Variants in ZSWIM5 observed in about 807,000 individuals in gnomAD.
ZSWIM5 encodes zinc finger SWIM-type containing 5, also known as zinc finger SWIM domain-containing protein 5.
ZSWIM5 carries 55 observed loss-of-function variants against 119.6 expected under a neutral mutation model. That is an observed-to-expected ratio of 0.46 (90% confidence interval 0.37 to 0.58). The LOEUF (loss-of-function observed/expected upper bound fraction) is 0.58. Ranked by LOEUF, ZSWIM5 falls within the 20% of genes least tolerant of loss-of-function variation. ZSWIM5 has a pLI of 0.00. For missense variants in ZSWIM5, 1,193 were observed against 1,512.8 expected (o/e 0.79, Z 3.51); for synonymous variants, 537 against 606.9 (o/e 0.88, Z 1.69).
In ZSWIM5 at chr1:45,036,174, A is replaced by G; in HGVS notation, c.2020T>C (p.Leu674=). Residue 674 remains leucine (L), a synonymous_variant, in exon 9 of 14, where the codon TTA becomes CTA. Coordinates refer to ENST00000359600, the MANE Select transcript of ZSWIM5 (RefSeq NM_020883.2). ...VALMGLGQQR[L]MPEGLYAQDK... ...TGTGCGTAGAGGCCTTCAGGCATTAACCTCTGTTGACCCAGGCCCATCAGT... is the reference window on the plus strand; with the variant it reads ...TGTGCGTAGAGGCCTTCAGGCATTAGCCTCTGTTGACCCAGGCCCATCAGT... The G allele has an allele frequency of 6.2e-7, 1 of 1,613,906 alleles. No individual in the cohort carries two copies. Among genetic ancestry groups the G allele is most frequent in the Non-Finnish European group, 8.5e-7 (1 of 1,179,956 alleles).
At chr1:45,186,042 A>T (rs1646056227) in intron 1 of ZSWIM5, among the ~76,000 whole-genome samples, 1 of 151,864 alleles carries the variant, frequency 6.6e-6, no homozygotes, top group Non-Finnish European at 1.5e-5. Flanking sequence ...AAAATGTGGC[A>T]CATATACACC....
chr1:45,173,456 T>C (rs970572540), intron 1 of ZSWIM5, among the ~76,000 whole-genome samples: 1 of 152,120 alleles, frequency 6.6e-6, no homozygotes, highest in Non-Finnish European at 1.5e-5. Flanking sequence ...AAGGAAACAA[T>C]TTCAGTATAT....
At chr1:45,120,168 A>G (rs920817614) in intron 1 of ZSWIM5, among the ~76,000 whole-genome samples, 4 of 152,136 alleles carry the variant, frequency 2.6e-5, no homozygotes, top group African/African-American at 9.7e-5. Flanking sequence ...ACATGGTGAA[A>G]CCCCATCTCT....
chr1:45,077,658 G>A (rs546346057), intron 2 of ZSWIM5, among the ~76,000 whole-genome samples: 4 of 152,268 alleles, frequency 2.6e-5, no homozygotes, highest in Admixed American at 2.6e-4. Context: ...TATTAGGTGG[G>A]AATTTCCTCT....
intron 1 of ZSWIM5, among the ~76,000 whole-genome samples, chr1:45,180,496 G>A (rs1283759800): frequency 6.6e-6 from 1 of 152,178 alleles, no homozygotes; most frequent in Non-Finnish European, 1.5e-5. Context: ...CTCCACCTCT[G>A]GGGGCAGGGC....
chr1:45,070,072 G>A, intron 2 of ZSWIM5: 2 of 904,464 alleles, frequency 2.2e-6, no homozygotes, highest in Non-Finnish European at 3.8e-6. Flanking sequence ...ATGACTAGAA[G>A]AAGAAATCTA....
intron 1 of ZSWIM5, among the ~76,000 whole-genome samples, chr1:45,129,153 G>GTTTTTTT (rs869042927): frequency 2.4e-4 from 17 of 70,158 alleles, no homozygotes; most frequent in Non-Finnish European, 3.4e-4. Context: ...CATACATCTT[G>GTTTTTTT]TTTTTTTTTT....
In ZSWIM5 at chr1:45,156,270, G is replaced by A. The variant is rs539314309; in HGVS notation, c.595+49486C>T. ...CATGGACACAAAGATGGCAATATTAGACACTGGGGATTACCAGAGAGAGAA... is the reference window on the plus strand; with the variant it reads ...CATGGACACAAAGATGGCAATATTAAACACTGGGGATTACCAGAGAGAGAA... On this transcript the variant is annotated intron_variant, in intron 1 of 13. Coordinates refer to ENST00000359600, the MANE Select transcript of ZSWIM5 (RefSeq NM_020883.2). Among the ~76,000 whole-genome samples the A allele has an allele frequency of 4.4e-3, 668 of 151,424 alleles. 8 individuals carry two copies. Among genetic ancestry groups the A allele is most frequent in the African/African-American group, 0.015 (619 of 41,060 alleles).
intron 1 of ZSWIM5, among the ~76,000 whole-genome samples, chr1:45,180,753 A>G (rs896300849): frequency 6.6e-6 from 1 of 152,154 alleles, no homozygotes; most frequent in Non-Finnish European, 1.5e-5. Context: ...AGGAACGATC[A>G]GACAGCAGCA....
chr1:45,179,420 A>C (rs554382108), intron 1 of ZSWIM5, among the ~76,000 whole-genome samples: 2 of 152,218 alleles, frequency 1.3e-5, no homozygotes, highest in Admixed American at 1.3e-4. Context: ...AAAAATGGGA[A>C]CAACAGACAC....
intron 8 of ZSWIM5, among the ~76,000 whole-genome samples, chr1:45,037,158 T>C (rs1169754748): frequency 7.1e-6 from 1 of 140,476 alleles, no homozygotes; most frequent in Non-Finnish European, 1.5e-5. Flanking sequence ...TCTCCCAGGC[T>C]GGAGAGCAGT....
intron 1 of ZSWIM5, among the ~76,000 whole-genome samples, chr1:45,204,093 G>A (rs1478853346): frequency 1.3e-5 from 2 of 151,948 alleles, no homozygotes; most frequent in Non-Finnish European, 2.9e-5. Context: ...TATTTCATTT[G>A]GAAAGTGACA....
chr1:45,141,903 A>T (rs1402837076), intron 1 of ZSWIM5, among the ~76,000 whole-genome samples: 1 of 152,124 alleles, frequency 6.6e-6, no homozygotes, highest in African/African-American at 2.4e-5. Context: ...TTTTATTATG[A>T]CATAATATTC....
chr1:45,087,740 T>C (rs1400332677), intron 2 of ZSWIM5, 141 bp downstream of exon 2: 2 of 661,602 alleles, frequency 3.0e-6, no homozygotes, highest in Admixed American at 2.6e-5. Flanking sequence ...ATGAAATGAT[T>C]AAAGTTAAGT....
chr1:45,176,240 T>C (rs1210237223), intron 1 of ZSWIM5, among the ~76,000 whole-genome samples: 3 of 151,524 alleles, frequency 2.0e-5, no homozygotes, highest in Non-Finnish European at 4.4e-5. Flanking sequence ...TTCATTCACC[T>C]TTTCTCCCTG....
intron 2 of ZSWIM5, among the ~76,000 whole-genome samples, chr1:45,077,561 ATTGCTAATGAAGTT>A: frequency 6.6e-6 from 1 of 152,340 alleles, no homozygotes; most frequent in East Asian, 1.9e-4. Context: ...CGAAATTAAA[ATTGCTAATGAAGTT>A]TTGGGCACCA....
intron 2 of ZSWIM5, among the ~76,000 whole-genome samples, chr1:45,082,688 T>C (rs554253101): frequency 3.9e-5 from 6 of 152,356 alleles, no homozygotes; most frequent in Non-Finnish European, 5.9e-5. Context: ...AAGTATGGGA[T>C]AAACATGTAT....
chr1:45,060,406 T>C (rs1645145839), intron 2 of ZSWIM5, among the ~76,000 whole-genome samples, 159 bp from the exon 3 acceptor site: 1 of 152,148 alleles, frequency 6.6e-6, no homozygotes, highest in African/African-American at 2.4e-5. Flanking sequence ...AATAAATACA[T>C]AAAATTAATT....
intron 2 of ZSWIM5, among the ~76,000 whole-genome samples, chr1:45,085,173 C>G (rs1422245925): frequency 6.6e-6 from 1 of 152,242 alleles, no homozygotes; most frequent in Non-Finnish European, 1.5e-5. Flanking sequence ...GAGCTGCGGC[C>G]TAAGACATAT....
Sources: allele counts gnomAD v4.1 joint callset (sites outside exome capture counted in the v4.1 genomes callset), GRCh38; gene constraint gnomAD v4.1.1; transcripts MANE v1.5; gene names NCBI Gene and HGNC (gene_info 2026-07-23, HGNC 2026-07-21).